Variants in ACCSL observed in about 807,000 individuals in gnomAD.
ACCSL encodes 1-aminocyclopropane-1-carboxylate synthase homolog (inactive) like.
A neutral mutation model predicts 61.7 loss-of-function variants in ACCSL; 55 were observed. The observed-to-expected ratio is 0.89, with a 90% CI of 0.72 to 1.12. The LOEUF (loss-of-function observed/expected upper bound fraction) is 1.12, where lower values mean the gene tolerates loss of function less well. Among genes scored for constraint, ACCSL ranks in the 50% most tolerant of loss-of-function variants. The pLI, the probability that ACCSL is intolerant of heterozygous loss-of-function variation, is 0.00. For synonymous variants in ACCSL, 258 were observed against 264.3 expected, an observed-to-expected ratio of 0.98 and a Z score of 0.23; for missense variants, 632 against 698.0, an observed-to-expected ratio of 0.91 and a Z score of 1.07.
chr11:44,050,147 G>C (rs749199530), intron 2 of ACCSL, 26 bp downstream of exon 2: 1 of 1,598,036 alleles, frequency 6.3e-7, no homozygotes, highest in Non-Finnish European at 8.6e-7. Flanking sequence ...GCTGTGTTGG[G>C]ACCCACCCCT....
Position 44,048,180 on chromosome 11 carries a change from G to A in ACCSL, c.144G>A (p.Thr48=), listed in dbSNP as rs771264543. ...QAMTEHFVQL[T]SRQGLSLEER... ...TGACGGAGCACTTCGTGCAGCTGACGAGCAGACAGGGCCTGTCGCTGGAGG... is the reference window on the plus strand; with the variant it reads ...TGACGGAGCACTTCGTGCAGCTGACAAGCAGACAGGGCCTGTCGCTGGAGG... The change falls in exon 1 of 14, where the codon ACG becomes ACA. Residue 48 remains threonine (T), a synonymous_variant. Coordinates refer to ENST00000378832, the MANE Select transcript of ACCSL (RefSeq NM_001031854.2). 2.5e-6 allele frequency: 4 copies of A among 1,614,052 alleles called. No homozygotes were observed. The highest frequency in any genetic ancestry group is 2.5e-6 in the Non-Finnish European group (3 of 1,180,054).
the ACCSL span, among the ~76,000 whole-genome samples, chr11:43,989,925 G>GCTTGTGGCCTGC: frequency 6.6e-6 from 1 of 152,244 alleles, no homozygotes; most frequent in Non-Finnish European, 1.5e-5. Flanking sequence ...GCAGCCCCTG[G>GCTTGTGGCCTGC]CTTGTGGCCT....
the ACCSL span, among the ~76,000 whole-genome samples, chr11:43,950,300 G>T: frequency 6.6e-6 from 1 of 152,160 alleles, no homozygotes; most frequent in Non-Finnish European, 1.5e-5. Context: ...ACCTCCTAAG[G>T]CTGTGTCACG....
At chr11:44,034,686 A>G in the ACCSL span, among the ~76,000 whole-genome samples, 1 of 152,134 alleles carries the variant, frequency 6.6e-6, no homozygotes, top group South Asian at 2.1e-4. Flanking sequence ...ATTACCTCCT[A>G]CCAGGTGCCT....
the ACCSL span, among the ~76,000 whole-genome samples, chr11:43,961,158 T>A: frequency 6.6e-6 from 1 of 152,192 alleles, no homozygotes; most frequent in African/African-American, 2.4e-5. Context: ...TTTAATTTCA[T>A]TGTGGCCAGA....
chr11:43,971,821 A>C, the ACCSL span, among the ~76,000 whole-genome samples: 1 of 152,082 alleles, frequency 6.6e-6, no homozygotes, highest in Non-Finnish European at 1.5e-5. Context: ...GCCTTCCACC[A>C]ATCGTGCTGC....
chr11:44,014,852 G>A, the ACCSL span, among the ~76,000 whole-genome samples: 1 of 152,198 alleles, frequency 6.6e-6, no homozygotes, highest in African/African-American at 2.4e-5. Flanking sequence ...ATGGGCCTGG[G>A]CCTCTAAAGC....
chr11:44,059,426 A>C (rs752257908), intron 13 of ACCSL, among the ~76,000 whole-genome samples: 23 of 152,228 alleles, frequency 1.5e-4, no homozygotes, highest in Non-Finnish European at 2.8e-4. Context: ...TATTTATTGC[A>C]TTCCACTACA....
the ACCSL span, chr11:43,973,752 G>C: frequency 1.1e-4 from 16 of 152,156 alleles, no homozygotes; most frequent in African/African-American, 3.9e-4. Flanking sequence ...TGATGATTTG[G>C]GGGTAGAGCG....
At chr11:43,944,120 G>A in the ACCSL span, 1 of 332,704 alleles carries the variant, frequency 3.0e-6, no homozygotes, top group South Asian at 2.5e-5. Flanking sequence ...ATTCCCCATC[G>A]CCGGCATCCG....
At chr11:43,971,721 C>T in the ACCSL span, among the ~76,000 whole-genome samples, 2 of 152,172 alleles carry the variant, frequency 1.3e-5, no homozygotes, top group African/African-American at 4.8e-5. Flanking sequence ...GGTCCTGTCC[C>T]CCGAATTGTC....
chr11:44,058,186 A>T (rs1037492315), intron 11 of ACCSL, 131 bp from the exon 12 acceptor site: 26 of 1,169,082 alleles, frequency 2.2e-5, no homozygotes, highest in African/African-American at 1.4e-4. Context: ...TGTTTTTTTT[A>T]AAAACAGACA....
the ACCSL span, among the ~76,000 whole-genome samples, chr11:44,031,739 TTCACGTC>T: frequency 6.6e-6 from 1 of 152,270 alleles, no homozygotes; most frequent in East Asian, 1.9e-4. Context: ...GATGGAGGAA[TTCACGTC>T]TCCTAGGAAG....
chr11:44,013,538 C>T, the ACCSL span, among the ~76,000 whole-genome samples: 3 of 152,216 alleles, frequency 2.0e-5, no homozygotes, highest in African/African-American at 7.2e-5. Context: ...GGTGATCCAC[C>T]CGCCTCGGCC....
chr11:43,924,042 CTT>C, the ACCSL span, among the ~76,000 whole-genome samples: 1 of 152,186 alleles, frequency 6.6e-6, no homozygotes, highest in South Asian at 2.1e-4. Context: ...AGCCCACTGA[CTT>C]TTAGCTCTGG....
chr11:43,923,804 A>G, the ACCSL span, among the ~76,000 whole-genome samples: 2 of 152,232 alleles, frequency 1.3e-5, no homozygotes, highest in Non-Finnish European at 2.9e-5. Context: ...GGAGGAAAAC[A>G]GGATAAATTA....
the ACCSL span, among the ~76,000 whole-genome samples, chr11:43,976,220 G>A: frequency 6.6e-6 from 1 of 152,116 alleles, no homozygotes; most frequent in African/African-American, 2.4e-5. Flanking sequence ...TGGGAACCTT[G>A]GGAGGAAGTA....
chr11:44,012,549 C>A, the ACCSL span, among the ~76,000 whole-genome samples: 10,470 of 152,170 alleles, frequency 0.069, 384 homozygotes, highest in Non-Finnish European at 0.092. Flanking sequence ...TGCCACCCAA[C>A]GTGCTGGGAT....
At chr11:44,059,728 G>T (rs1303555981) in intron 13 of ACCSL, 110 bp from the exon 14 acceptor site, 3 of 801,270 alleles carry the variant, frequency 3.7e-6, no homozygotes, top group South Asian at 1.9e-5. Context: ...TGAAGTTCAG[G>T]ATCCCTGAAT....
Sources: gnomAD v4.1 joint callset for allele counts (sites outside exome capture counted in the v4.1 genomes callset) on GRCh38, gnomAD v4.1.1 for gene constraint, MANE v1.5 for transcripts, NCBI Gene and HGNC (gene_info 2026-07-23, HGNC 2026-07-21) for gene names.